TTC28: variants seen among roughly 807,000 people sequenced by gnomAD.
TTC28 encodes the protein tetratricopeptide repeat domain 28.
Under a neutral mutation model 198.0 loss-of-function variants are expected in TTC28, and 61 were observed. That is an observed-to-expected ratio of 0.31 (90% CI 0.25 to 0.38). The LOEUF (loss-of-function observed/expected upper bound fraction) is 0.38, where lower values mean the gene tolerates loss of function less well. TTC28 is among the 10% of genes least tolerant of loss of function. The pLI is 1.00. For missense variants in TTC28, 2,678 were observed against 3,164.0 expected (o/e 0.85, Z 3.69); for synonymous variants, 1,171 against 1,297.8 (o/e 0.90, Z 2.10).
rs1259781600 is a variant in TTC28, at chr22:28,090,553, T to A, written c.3932+3527A>T. Among the ~76,000 whole-genome samples, 6 of 152,294 alleles carry A rather than the reference T, an allele frequency of 3.9e-5. No homozygotes were observed. The South Asian group carries it at 6.2e-4, about 16-fold the overall frequency. ...AGTATGTACAGATCTTTGCTCCATT[T>A]CTATAATAAAGAATTTTGAGACCAA... On this transcript the variant is annotated intron_variant, in intron 12 of 22. Coordinates refer to ENST00000397906, the MANE Select transcript of TTC28 (RefSeq NM_001145418.2).
chr22:28,615,104 A>G lies in TTC28; in HGVS notation c.381+14448T>C, dbSNP rs145876320. Among the ~76,000 whole-genome samples, 15 of 152,282 alleles carry G rather than the reference A, an allele frequency of 9.9e-5. No homozygotes were observed. In the East Asian group the frequency reaches 2.7e-3, roughly 27 times the overall value. ...AAAGAACTTAAACAAATTTACAAGA[A>G]AAAAAACAAAAAACCCCATCAAAAA... On this transcript the variant is annotated intron_variant, in intron 2 of 22. Transcript: ENST00000397906.
Position 28,538,621 on chromosome 22 carries a change from A to G in TTC28, c.381+90931T>C, listed in dbSNP as rs2049348348. 2.1e-5 allele frequency among the ~76,000 whole-genome samples: 3 copies of G among 140,070 alleles called. No homozygotes were observed. In the Admixed American group the frequency reaches 2.3e-4, roughly 11 times the overall value. The allele number at this position is 140,070 out of a possible 152,430, so 91.9% of individuals were successfully genotyped here. ...GTCGCCTAGGCTGAAGTGCAGTGGC[A>G]CAATCTCAGCTCACTGCAACCTCGG... On this transcript the variant is annotated intron_variant, in intron 2 of 22. Transcript: ENST00000397906.
chr22:28,160,378 TA>T (rs904631837), intron 6 of TTC28, among the ~76,000 whole-genome samples: 44 of 151,758 alleles, frequency 2.9e-4, no homozygotes, highest in Admixed American at 6.6e-4. Flanking sequence ...AGGTTGGGGG[TA>T]AAAATGACAA....
At chr22:28,208,348 T>C (rs767160943) in intron 5 of TTC28, among the ~76,000 whole-genome samples, 1 of 152,146 alleles carries the variant, frequency 6.6e-6, no homozygotes, top group Non-Finnish European at 1.5e-5. Context: ...ATCCATATAG[T>C]ATGCAACTAA....
chr22:28,121,840 T>C (rs1942794797), intron 6 of TTC28, among the ~76,000 whole-genome samples: 1 of 152,114 alleles, frequency 6.6e-6, no homozygotes, highest in African/African-American at 2.4e-5. Context: ...TTTTTTGGGA[T>C]TTTAGGGTAA....
intron 15 of TTC28, 22 bp downstream of exon 15, chr22:28,001,352 C>T: frequency 2.0e-6 from 3 of 1,531,388 alleles, no homozygotes; most frequent in Non-Finnish European, 2.7e-6. Context: ...CCCCGGCCCC[C>T]CACCATGTGT....
intron 2 of TTC28, among the ~76,000 whole-genome samples, chr22:28,425,521 G>C (rs928927739): frequency 6.6e-6 from 1 of 152,192 alleles, no homozygotes; most frequent in African/African-American, 2.4e-5. Context: ...GACAGGGATA[G>C]AGTCTTACTC....
At chr22:28,423,392 AAAAAAAG>A (rs898107212) in intron 2 of TTC28, among the ~76,000 whole-genome samples, 25 of 152,278 alleles carry the variant, frequency 1.6e-4, no homozygotes, top group African/African-American at 3.9e-4. Flanking sequence ...TCCGTATCAG[AAAAAAAG>A]AAAAAAGAAA....
intron 5 of TTC28, among the ~76,000 whole-genome samples, chr22:28,204,518 T>G (rs1401871461): frequency 6.6e-6 from 1 of 152,102 alleles, no homozygotes; most frequent in Non-Finnish European, 1.5e-5. Flanking sequence ...CAAATCCAGC[T>G]CCATCTAACT....
intron 2 of TTC28, among the ~76,000 whole-genome samples, chr22:28,402,011 C>T (rs1601345115): frequency 6.6e-6 from 1 of 152,176 alleles, no homozygotes; most frequent in South Asian, 2.1e-4. Context: ...AGTTCCCCTA[C>T]CCTTGGTCCA....
At chr22:28,502,685 T>C (rs937522672) in intron 2 of TTC28, among the ~76,000 whole-genome samples, 5 of 151,524 alleles carry the variant, frequency 3.3e-5, no homozygotes, top group Non-Finnish European at 5.9e-5. Flanking sequence ...AGAGGCAGCA[T>C]CCTGAAGTCC....
chr22:28,071,911 A>G (rs1346168545), intron 12 of TTC28, among the ~76,000 whole-genome samples: 1 of 152,230 alleles, frequency 6.6e-6, no homozygotes, highest in African/African-American at 2.4e-5. Flanking sequence ...AAAGCTAGGA[A>G]AGAACATCTC....
intron 5 of TTC28, among the ~76,000 whole-genome samples, chr22:28,164,735 C>T (rs986707672): frequency 3.9e-5 from 6 of 152,272 alleles, no homozygotes; most frequent in South Asian, 2.1e-4. Context: ...AATCAGAGTG[C>T]CTCTTCTCCT....
At chr22:28,166,065 A>G (rs190686008) in intron 5 of TTC28, among the ~76,000 whole-genome samples, 4 of 152,324 alleles carry the variant, frequency 2.6e-5, no homozygotes, top group Admixed American at 2.6e-4. Context: ...ACCAACAAAG[A>G]TCAAAAGAGA....
At chr22:28,165,344 C>T (rs1034252323) in intron 5 of TTC28, among the ~76,000 whole-genome samples, 3 of 152,100 alleles carry the variant, frequency 2.0e-5, no homozygotes, top group African/African-American at 7.2e-5. Context: ...AAAGATACTC[C>T]TCGAGAAGAG....
intron 2 of TTC28, among the ~76,000 whole-genome samples, chr22:28,439,669 T>C (rs1024046395): frequency 2.6e-5 from 4 of 152,198 alleles, no homozygotes; most frequent in African/African-American, 7.2e-5. Flanking sequence ...TAAACACATA[T>C]AGAGCAATTA....
chr22:28,310,113 A>T (rs2045227126), intron 2 of TTC28, among the ~76,000 whole-genome samples: 1 of 150,098 alleles, frequency 6.7e-6, no homozygotes, highest in Non-Finnish European at 1.5e-5. Context: ...AAAAATCAAC[A>T]GTGCCAGGCA....
chr22:28,061,250 T>A (rs1179365863), intron 12 of TTC28, among the ~76,000 whole-genome samples: 2 of 152,252 alleles, frequency 1.3e-5, no homozygotes, highest in Non-Finnish European at 2.9e-5. Context: ...TTTTAGCTTT[T>A]GTTGCCATTG....
At chr22:28,294,206 A>C (rs1364933485) in intron 5 of TTC28, among the ~76,000 whole-genome samples, 4 of 152,092 alleles carry the variant, frequency 2.6e-5, no homozygotes, top group Non-Finnish European at 4.4e-5. Context: ...CTTAGAAGTG[A>C]CTATGGTAGG....
Sources: allele counts gnomAD v4.1 joint callset (sites outside exome capture counted in the v4.1 genomes callset), GRCh38; gene constraint gnomAD v4.1.1; transcripts MANE v1.5; gene names NCBI Gene and HGNC (gene_info 2026-07-23, HGNC 2026-07-21).